Variants in MYH10 observed in about 807,000 individuals in gnomAD.
MYH10 encodes the protein myosin heavy chain 10.
Under a neutral mutation model 257.8 loss-of-function variants are expected in MYH10, and 55 were observed. The observed-to-expected ratio is 0.21, with a 90% CI of 0.17 to 0.27. MYH10 has a LOEUF of 0.27. Ranked by LOEUF, MYH10 falls within the 10% of genes least tolerant of loss-of-function variation. MYH10 has a pLI of 1.00. For missense variants in MYH10, 1,631 were observed against 2,500.6 expected (o/e 0.65, Z 7.42); for synonymous variants, 854 against 921.7 (o/e 0.93, Z 1.33).
At chr17:8,591,903 G>C (rs993693474) in intron 3 of MYH10, among the ~76,000 whole-genome samples, 3 of 152,160 alleles carry the variant, frequency 2.0e-5, no homozygotes, top group Non-Finnish European at 4.4e-5. Flanking sequence ...CAACCTCCCA[G>C]ATTCTCTCCA....
intron 30 of MYH10, among the ~76,000 whole-genome samples, chr17:8,498,721 GC>G (rs1041804828): frequency 1.3e-5 from 2 of 152,066 alleles, no homozygotes; most frequent in African/African-American, 4.8e-5. Flanking sequence ...GGTGGCGGGT[GC>G]CTGTAGTCCC....
chr17:8,579,378 C>T (rs1208088288), intron 4 of MYH10, among the ~76,000 whole-genome samples: 1 of 152,128 alleles, frequency 6.6e-6, no homozygotes, highest in Non-Finnish European at 1.5e-5. Context: ...TAACTCTGCA[C>T]CCAGATAACC....
chr17:8,616,408 A>G (rs8069777), intron 2 of MYH10, among the ~76,000 whole-genome samples: 1 of 152,226 alleles, frequency 6.6e-6, no homozygotes, highest in Non-Finnish European at 1.5e-5. Flanking sequence ...AACTTAGGTC[A>G]CTGAAGATAA....
At chr17:8,492,665 A>G (rs1271740021) in intron 33 of MYH10, 111 bp downstream of exon 33, 10 of 1,323,898 alleles carry the variant, frequency 7.6e-6, no homozygotes, top group South Asian at 3.1e-5. Context: ...CCTTTTTCCA[A>G]TTTTGATATA....
intron 17 of MYH10, among the ~76,000 whole-genome samples, chr17:8,526,622 TCG>T (rs1384714740): frequency 8.2e-6 from 1 of 121,918 alleles, no homozygotes; most frequent in African/African-American, 3.2e-5. Flanking sequence ...GAGGACATAT[TCG>T]CATAGCTTTA....
At position 8,506,197 on chromosome 17, in the gene MYH10, C is replaced by T. The variant is rs76698348; in HGVS notation, c.3386+121G>A. On this transcript the variant is annotated intron_variant, in intron 27 of 42. Coordinates refer to ENST00000360416, the MANE Select transcript of MYH10 (RefSeq NM_001256012.3). This position sits in a 1 kb window ranked among gnomAD's most constrained non-coding sequence, Gnocchi z 5.0. ...GGGCTTTTCACTTTCTCAGGTCACA[C>T]CAAACAGCAAGCAAACCCCATCTCA... 0.017 allele frequency: 17,975 copies of T among 1,061,890 alleles called. 202 individuals are homozygous for T. The highest frequency in any genetic ancestry group is 0.02 in the Non-Finnish European group (15,560 of 765,284). The allele number at this position is 1,061,890 out of a possible 1,614,324, so 65.8% of individuals were successfully genotyped here.
intron 6 of MYH10, 52 bp downstream of exon 6, chr17:8,576,591 C>G (rs1366515647): frequency 5.9e-6 from 9 of 1,515,360 alleles, no homozygotes; most frequent in Middle Eastern, 3.4e-4. Context: ...AATCTACAGA[C>G]AGAAATTAGT....
At chr17:8,519,678 G>A (rs2081585389) in intron 19 of MYH10, among the ~76,000 whole-genome samples, 1 of 151,882 alleles carries the variant, frequency 6.6e-6, no homozygotes, top group Non-Finnish European at 1.5e-5. Context: ...AGACACACAT[G>A]GACTGGAAAA....
At chr17:8,481,644 A>G (rs922679557) in intron 37 of MYH10, among the ~76,000 whole-genome samples, 1 of 152,234 alleles carries the variant, frequency 6.6e-6, no homozygotes, top group Non-Finnish European at 1.5e-5. Flanking sequence ...CTTCATTGCC[A>G]TAAGGGCTTT....
chr17:8,514,887 G>A (rs139784824), intron 21 of MYH10, among the ~76,000 whole-genome samples: 2 of 152,192 alleles, frequency 1.3e-5, no homozygotes, highest in East Asian at 1.9e-4. Context: ...TGCCTGGCAC[G>A]CTGCACTCCT....
intron 3 of MYH10, among the ~76,000 whole-genome samples, chr17:8,599,322 A>G (rs2084505100): frequency 6.6e-6 from 1 of 152,210 alleles, no homozygotes; most frequent in South Asian, 2.1e-4. Flanking sequence ...GTTGTATTAA[A>G]TCACATTCTT....
Position 8,577,286 on chromosome 17 carries a change from G to C in MYH10, c.583C>G (p.Leu195Val). 1.9e-6 allele frequency: 3 copies of C among 1,612,638 alleles called. No homozygotes were observed. The highest frequency in any genetic ancestry group is 2.5e-6 in the Non-Finnish European group (3 of 1,179,028). ...TENTKKVIQY[L>V]AHVASSHKGR... ...TTATGTGAAGAAGCAACATGGGCAAGGTACTGAATAACTTTCTTTGTATTT... is the reference window on the plus strand; with the variant it reads ...TTATGTGAAGAAGCAACATGGGCAACGTACTGAATAACTTTCTTTGTATTT... The change falls in exon 5 of 43, where the codon CTT becomes GTT. Residue 195 changes from leucine (L) to valine (V), a missense_variant. Coordinates refer to ENST00000360416, the MANE Select transcript of MYH10 (RefSeq NM_001256012.3).
rs1457748834 is a variant in MYH10, at chr17:8,476,870, G to A, written c.5879+6C>T. The A allele has an allele frequency of 6.2e-7, 1 of 1,603,448 alleles. No individual in the cohort carries two copies. The highest frequency in any genetic ancestry group is 8.5e-7 in the Non-Finnish European group (1 of 1,176,892). On this transcript the variant is annotated splice_donor_region_variant and intron_variant, in intron 42 of 42. Transcript: ENST00000360416. ...CCTGTCAGCTCGGGGCCGCATGCCT[G>A]CTCACCTCAGCCGGTTCTTCAGGGT... is the stretch of plus-strand genomic sequence containing the variant.
intron 13 of MYH10, among the ~76,000 whole-genome samples, chr17:8,543,383 C>T (rs76373065): frequency 3.6e-4 from 55 of 152,142 alleles, no homozygotes; most frequent in African/African-American, 1.2e-3. Context: ...TACAGACTGC[C>T]GGATTCTGCT....
intron 2 of MYH10, among the ~76,000 whole-genome samples, chr17:8,617,310 T>C (rs1449058536): frequency 6.6e-6 from 1 of 152,148 alleles, no homozygotes; most frequent in African/African-American, 2.4e-5. Context: ...TCCTATCAGG[T>C]AGCCCTCTCC....
intron 31 of MYH10, 90 bp downstream of exon 31, chr17:8,495,047 G>C (rs1916368021): frequency 1.8e-5 from 14 of 797,474 alleles, no homozygotes; most frequent in Non-Finnish European, 2.6e-5. Context: ...AGGTGACACA[G>C]AAGGCAATTC....
intron 33 of MYH10, 125 bp downstream of exon 33, chr17:8,492,651 T>TTG: frequency 1.7e-6 from 2 of 1,207,492 alleles, no homozygotes; most frequent in Non-Finnish European, 2.2e-6. Flanking sequence ...TTTTTTTTGC[T>TTG]TTCCCTTTTT....
chr17:8,478,871 CA>C (rs1446509576), intron 40 of MYH10, among the ~76,000 whole-genome samples: 2 of 152,178 alleles, frequency 1.3e-5, no homozygotes, highest in Admixed American at 1.3e-4. Flanking sequence ...GCTGGGATTA[CA>C]AGGCATGCAC....
At chr17:8,512,377 C>T (rs2081328488) in intron 24 of MYH10, 74 bp downstream of exon 24, 1 of 1,238,196 alleles carries the variant, frequency 8.1e-7, no homozygotes, top group African/African-American at 1.5e-5. Flanking sequence ...AATCCAAACA[C>T]ATAACTTCTG....
Sources: allele counts gnomAD v4.1 joint callset (sites outside exome capture counted in the v4.1 genomes callset), GRCh38; gene constraint gnomAD v4.1.1; non-coding constraint Gnocchi (gnomAD v3.1); transcripts MANE v1.5; gene names NCBI Gene and HGNC (gene_info 2026-07-23, HGNC 2026-07-21).